The following AP3B1 variants were observed in gnomAD, a reference collection of about 807,000 sequenced individuals.
AP3B1 encodes the protein AP-3 complex subunit beta-1.
A neutral mutation model predicts 132.5 loss-of-function variants in AP3B1; 61 were observed. The observed-to-expected ratio is 0.46, with a 90% CI of 0.37 to 0.57. AP3B1 has a LOEUF of 0.57. AP3B1 is among the 20% of genes least tolerant of loss of function. The probability of loss-of-function intolerance (pLI) is 0.00; values close to 1 mark genes in which losing one functional copy is unlikely to be tolerated. For synonymous variants in AP3B1, 388 were observed against 438.3 expected, an observed-to-expected ratio of 0.89 and a Z score of 1.43; for missense variants, 1,120 against 1,289.4, an observed-to-expected ratio of 0.87 and a Z score of 2.01.
intron 21 of AP3B1, among the ~76,000 whole-genome samples, chr5:78,092,611 T>C (rs1247760853): frequency 6.6e-6 from 1 of 152,186 alleles, no homozygotes; most frequent in African/African-American, 2.4e-5. Flanking sequence ...AGCACCCTCA[T>C]ATTAATACTG....
chr5:78,096,202 G>A (rs1048267558), intron 21 of AP3B1, among the ~76,000 whole-genome samples: 5 of 152,178 alleles, frequency 3.3e-5, no homozygotes, highest in Admixed American at 6.5e-5. Flanking sequence ...TGGTGGAGAC[G>A]GGGTTTCGCT....
chr5:78,013,119 C>T (rs756261247), intron 26 of AP3B1, among the ~76,000 whole-genome samples: 1 of 152,154 alleles, frequency 6.6e-6, no homozygotes, highest in Non-Finnish European at 1.5e-5. Context: ...TCACAGCTCA[C>T]TACAGCCTTG....
At position 78,142,077 on chromosome 5, in the gene AP3B1, T is replaced by A. The variant is rs763271920; in HGVS notation, c.1474-758A>T. On this transcript the variant is annotated intron_variant, in intron 14 of 26. Coordinates refer to ENST00000255194, the MANE Select transcript of AP3B1 (RefSeq NM_003664.5). ...ACTGATAAGATCATCAAGGTCTGCT[T>A]ATAAAATCATGAATCCCAGTCTATT... 1.5e-4 allele frequency among the ~76,000 whole-genome samples: 23 copies of A among 152,234 alleles called. 1 individual carries two copies. Among genetic ancestry groups the A allele is most frequent in the Admixed American group, 1.2e-3 (19 of 15,282 alleles).
chr5:78,138,830 C>T (rs1048539213), intron 15 of AP3B1, among the ~76,000 whole-genome samples: 3 of 151,402 alleles, frequency 2.0e-5, no homozygotes, highest in African/African-American at 7.3e-5. Flanking sequence ...ATTAGCCAGG[C>T]ATGGTGGCAC....
At chr5:78,115,766 G>T (rs6878689) in intron 18 of AP3B1, among the ~76,000 whole-genome samples, 1 of 152,030 alleles carries the variant, frequency 6.6e-6, no homozygotes, top group Admixed American at 6.5e-5. Context: ...TAAACTTTAC[G>T]TTTTTGTAAA....
chr5:78,275,304 G>A (rs1748726656), intron 1 of AP3B1, among the ~76,000 whole-genome samples: 1 of 152,118 alleles, frequency 6.6e-6, no homozygotes. Flanking sequence ...AAATAAAGTG[G>A]TTTTCAAACA....
At chr5:78,103,666 C>T (rs1580350530) in intron 20 of AP3B1, among the ~76,000 whole-genome samples, 2 of 152,184 alleles carry the variant, frequency 1.3e-5, no homozygotes, top group South Asian at 2.1e-4. Context: ...ACAACAGTAA[C>T]TGATCTTAGA....
At chr5:78,191,383 T>C (rs904236335) in intron 7 of AP3B1, among the ~76,000 whole-genome samples, 3 of 138,434 alleles carry the variant, frequency 2.2e-5, no homozygotes, top group South Asian at 4.3e-4. Flanking sequence ...AAAAAGGATG[T>C]GTTAATTAGA....
rs1223753374 is a variant in AP3B1, at chr5:78,089,489, T to C, written c.2481A>G (p.Val827=). ...SLLDLDDFNP[V]STPVALPTPA... The stretch of plus-strand genomic sequence containing the variant: ...GTGTGGGAAGTGCAACTGGAGTGGA[T>C]ACTGGGTTAACTGTAAGAAAAGGCC... The change falls in exon 22 of 27, where the codon GTA becomes GTG. Residue 827 remains valine (V), a synonymous_variant. Transcript: ENST00000255194. The C allele has an allele frequency of 6.2e-7, 1 of 1,610,844 alleles. No individual in the cohort carries two copies. Among genetic ancestry groups the C allele is most frequent in the African/African-American group, 1.3e-5 (1 of 74,838 alleles).
rs754885511 is a variant in AP3B1, at chr5:78,294,448, T to G, written c.128+4A>C. The G allele has an allele frequency of 6.2e-7, 1 of 1,614,094 alleles. No homozygotes were observed. The highest frequency in any genetic ancestry group is 1.1e-5 in the South Asian group (1 of 91,084). ...ATCCCCGCAACCCAAACCTTTCTCCTCACTTCTTCAAATCGCTGCTAAAGA... is the reference window on the plus strand; with the variant it reads ...ATCCCCGCAACCCAAACCTTTCTCCGCACTTCTTCAAATCGCTGCTAAAGA... On this transcript the variant is annotated splice_donor_region_variant and intron_variant, in intron 1 of 26. Coordinates refer to ENST00000255194, the MANE Select transcript of AP3B1 (RefSeq NM_003664.5).
intron 22 of AP3B1, among the ~76,000 whole-genome samples, chr5:78,048,618 A>G (rs868293726): frequency 1.3e-5 from 2 of 152,110 alleles, no homozygotes; most frequent in African/African-American, 4.8e-5. Flanking sequence ...TTCCTGCCAC[A>G]TTGTTCAGTG....
intron 20 of AP3B1, among the ~76,000 whole-genome samples, chr5:78,102,788 T>G (rs1418960821): frequency 1.3e-5 from 2 of 152,122 alleles, no homozygotes; most frequent in Non-Finnish European, 2.9e-5. Flanking sequence ...ATTAGAAACC[T>G]ATCAAATCAA....
chr5:78,200,521 T>C (rs570241515), intron 7 of AP3B1, among the ~76,000 whole-genome samples: 1 of 152,048 alleles, frequency 6.6e-6, no homozygotes, highest in African/African-American at 2.4e-5. Context: ...TAGCCAGGCA[T>C]GGCAGTGTGT....
chr5:78,079,467 T>C (rs1383224713), intron 22 of AP3B1, among the ~76,000 whole-genome samples: 1 of 152,158 alleles, frequency 6.6e-6, no homozygotes, highest in African/African-American at 2.4e-5. Context: ...TTACAGGACA[T>C]ATAAATGCAG....
At chr5:78,230,841 G>T (rs550583097) in intron 3 of AP3B1, among the ~76,000 whole-genome samples, 16 of 152,298 alleles carry the variant, frequency 1.1e-4, no homozygotes, top group African/African-American at 3.8e-4. Context: ...CTTGTGGCCA[G>T]GCACGGTGGC....
chr5:78,205,462 A>G (rs1745466213), intron 7 of AP3B1, among the ~76,000 whole-genome samples: 1 of 151,738 alleles, frequency 6.6e-6, no homozygotes, highest in Non-Finnish European at 1.5e-5. Context: ...CACGCACACA[A>G]ATATATATTT....
chr5:78,165,609 C>T lies in AP3B1; in HGVS notation c.1230+1G>A. 6.2e-7 allele frequency: 1 copy of T among 1,604,914 alleles called. No individual in the cohort carries two copies. Among genetic ancestry groups the T allele is most frequent in the Non-Finnish European group, 8.5e-7 (1 of 1,172,900 alleles). ...TTTTATAATTAGCACTGTACACAAA[C>T]CTGAAATTCTCGAAGAAGAGTTGAT... On this transcript the variant is annotated splice_donor_variant, in intron 12 of 26. Coordinates refer to ENST00000255194, the MANE Select transcript of AP3B1 (RefSeq NM_003664.5). LOFTEE classifies it high-confidence loss of function.
chr5:78,157,162 A>G lies in AP3B1; in HGVS notation c.1364-795T>C, dbSNP rs1260195483. On this transcript the variant is annotated intron_variant, in intron 13 of 26. Transcript: ENST00000255194. Reference sequence around the variant, plus strand: ...TCCCTGGTATTACATGCAATCCCCTACTGAAGGTACTGCAAGTGGCTCACT... The same window carrying G: ...TCCCTGGTATTACATGCAATCCCCTGCTGAAGGTACTGCAAGTGGCTCACT... 2.6e-5 allele frequency among the ~76,000 whole-genome samples: 4 copies of G among 152,058 alleles called. No homozygotes were observed. The East Asian group carries it at 5.8e-4, about 22-fold the overall frequency.
intron 23 of AP3B1, among the ~76,000 whole-genome samples, chr5:78,036,494 A>G (rs1238316646): frequency 6.6e-6 from 1 of 152,170 alleles, no homozygotes; most frequent in Non-Finnish European, 1.5e-5. Flanking sequence ...GTTGTACAGT[A>G]ACTGGTAAAA....
Sources: allele counts gnomAD v4.1 joint callset (sites outside exome capture counted in the v4.1 genomes callset), GRCh38; gene constraint gnomAD v4.1.1; transcripts MANE v1.5; gene names NCBI Gene and HGNC (gene_info 2026-07-23, HGNC 2026-07-21).